PIEZO1: variants seen among roughly 807,000 people sequenced by gnomAD.
PIEZO1 encodes the protein piezo type mechanosensitive ion channel component 1 (Er blood group).
Under a neutral mutation model 297.2 loss-of-function variants are expected in PIEZO1, and 296 were observed. The ratio of observed to expected loss-of-function variants is 1.00; its 90% CI spans 0.91 to 1.10. The LOEUF (loss-of-function observed/expected upper bound fraction) is 1.10. Ranked by LOEUF, PIEZO1 falls within the 50% of genes least tolerant of loss-of-function variation. PIEZO1 has a pLI of 0.00. For missense variants in PIEZO1, 5,018 were observed against 3,455.5 expected (o/e 1.45, Z -11.34); for synonymous variants, 2,427 against 1,507.5 (o/e 1.61, Z -14.13).
In PIEZO1 at chr16:88,755,768, G is replaced by A. The variant is rs573633693; in HGVS notation, c.65-6289C>T. Among the ~76,000 whole-genome samples the A allele has an allele frequency of 3.1e-3, 473 of 152,330 alleles. 2 individuals are homozygous for A. Among genetic ancestry groups the A allele is most frequent in the African/African-American group, 0.011 (447 of 41,568 alleles). On this transcript the variant is annotated intron_variant, in intron 1 of 50. Coordinates refer to ENST00000301015, the MANE Select transcript of PIEZO1 (RefSeq NM_001142864.4). ...CACCATGAGAGGCCGGGGGCCCCCA[G>A]GCCAAGAGCTGCAGAGCGGCCTCAC...
In PIEZO1 at chr16:88,722,320, C is replaced by T. The variant is rs752059066; in HGVS notation, c.4853G>A (p.Arg1618His). The T allele has an allele frequency of 8.8e-5, 136 of 1,545,986 alleles. No homozygotes were observed. The highest frequency in any genetic ancestry group is 7.7e-4 in the South Asian group (64 of 83,646). The change falls in exon 36 of 51, where the codon CGC becomes CAC. Residue 1618 changes from arginine to histidine, a missense_variant. Physicochemically the swap from Arg to His is conservative, Grantham distance 29. Coordinates refer to ENST00000301015, the MANE Select transcript of PIEZO1 (RefSeq NM_001142864.4). ...GGTGACTGCCTCCTCACTGCCACTG[C>T]GCGTGTGGTAGCCGGTGCTCAGGGG... The part of the protein sequence containing the change: ...GSPLSTGYHT[R>H]SGSEEAVTDP...
intron 21 of PIEZO1, 97 bp from the exon 22 acceptor site, chr16:88,732,007 G>T: frequency 5.8e-6 from 1 of 172,256 alleles, no homozygotes; most frequent in Non-Finnish European, 1.1e-5. Context: ...CAGCAGCCCT[G>T]CCTGGAGGCT....
At chr16:88,749,356 G>C (rs1380663442) in intron 2 of PIEZO1, 28 bp downstream of exon 2, 19 of 1,400,244 alleles carry the variant, frequency 1.4e-5, no homozygotes, top group Non-Finnish European at 1.8e-5. Flanking sequence ...CCCACCCTGA[G>C]AGCGTGGGCA....
At position 88,732,477 on chromosome 16, in the gene PIEZO1, T is replaced by C. The variant is rs1453086233; in HGVS notation, c.2849A>G (p.Glu950Gly). The C allele has an allele frequency of 6.5e-7, 1 of 1,549,228 alleles. No homozygotes were observed. The highest frequency in any genetic ancestry group is 8.7e-7 in the Non-Finnish European group (1 of 1,146,228). The stretch of plus-strand genomic sequence containing the variant: ...CAGCTGGTGCTGCCGGCGGTAGTGC[T>C]CCTGGCGCCGGTACACGATGGCCTC... ...VFEAIVYRRQ[E>G]HYRRQHQLAP... The change falls in exon 21 of 51, where the codon GAG (glutamate) becomes GGG (glycine). Residue 950 changes from glutamate to glycine, a missense_variant. By Grantham distance (98) the Glu-to-Gly change is moderately conservative (BLOSUM62 -2). Coordinates refer to ENST00000301015, the MANE Select transcript of PIEZO1 (RefSeq NM_001142864.4).
At position 88,716,691 on chromosome 16, in the gene PIEZO1, A is replaced by G. The variant is rs952510786; in HGVS notation, c.6794T>C (p.Ile2265Thr). Reference sequence around the variant, plus strand: ...GCTGCCCTCAATCTGCGCCGTGACGATGTCCTCAGGGCTGTACTGGCTGAT... The same window carrying G: ...GCTGCCCTCAATCTGCGCCGTGACGGTGTCCTCAGGGCTGTACTGGCTGAT... The part of the protein sequence containing the change: ...QFISQYSPED[I>T]VTAQIEGSSG... The change falls in exon 47 of 51, where the codon ATC (isoleucine) becomes ACC (threonine). Residue 2265 changes from isoleucine to threonine, a missense_variant. Ile to Thr is a moderately conservative substitution (Grantham distance 89). Coordinates refer to ENST00000301015, the MANE Select transcript of PIEZO1 (RefSeq NM_001142864.4). 1.3e-6 allele frequency: 2 copies of G among 1,548,864 alleles called. No homozygotes were observed. The highest frequency in any genetic ancestry group is 2.7e-5 in the African/African-American group (2 of 73,052).
Position 88,716,548 on chromosome 16 carries a change from C to G in PIEZO1, c.6926+11G>C. 1 of 1,539,872 alleles carries G rather than the reference C, an allele frequency of 6.5e-7. No homozygotes were observed. The highest frequency in any genetic ancestry group is 8.8e-7 in the Non-Finnish European group (1 of 1,140,172). On this transcript the variant is annotated intron_variant, in intron 47 of 50. Coordinates refer to ENST00000301015, the MANE Select transcript of PIEZO1 (RefSeq NM_001142864.4). ...CACCCACCCAGGCACTGCCCCAAGT[C>G]CAGGACGAACCTCTGGAAGTTCCAG...
At chr16:88,727,265 C>G in intron 23 of PIEZO1, 73 bp from the exon 24 acceptor site, 1 of 1,432,702 alleles carries the variant, frequency 7.0e-7, no homozygotes, top group Admixed American at 2.5e-5. Context: ...TAAATCCCAC[C>G]TCCCACCCCA....
rs1911937108 is a variant in PIEZO1 at position 88,715,593 on chromosome 16, C to T, written c.*12G>A. 1.9e-6 allele frequency: 3 copies of T among 1,547,366 alleles called. No homozygotes were observed. The highest frequency in any genetic ancestry group is 1.7e-4 in the Middle Eastern group (1 of 5,898). On this transcript the variant is annotated 3_prime_UTR_variant, in exon 51 of 51. Transcript: ENST00000301015. ...GGCCGGCTCCTTCCCTCTCGGGCGC[C>T]AGCAGCAGCTCCTACTCCTTCTCAC...
At chr16:88,766,073 G>C (rs924345106) in intron 1 of PIEZO1, among the ~76,000 whole-genome samples, 1 of 152,230 alleles carries the variant, frequency 6.6e-6, no homozygotes, top group Non-Finnish European at 1.5e-5. Flanking sequence ...GGCAGCGTGG[G>C]TGCCGTGGTC....
chr16:88,722,537 A>G lies in PIEZO1; in HGVS notation c.4775+46T>C. ...GGTCGGGGATGGCTAGGCGATGCCC[A>G]CACACCAGGGGCAGCAGCTGGGGCT... On this transcript the variant is annotated intron_variant, in intron 35 of 50. Transcript: ENST00000301015. 2.1e-6 allele frequency: 3 copies of G among 1,447,024 alleles called. No homozygotes were observed. In the South Asian group the frequency reaches 3.8e-5, roughly 18 times the overall value. 89.6% of individuals were successfully genotyped at this position (1,447,024 alleles called of 1,614,324 possible). A position where few individuals can be genotyped will look rare whatever the true frequency, so the allele number is the denominator to read the frequency against.
At chr16:88,722,132 T>G in intron 36 of PIEZO1, 66 bp from the exon 37 acceptor site, 1 of 1,522,818 alleles carries the variant, frequency 6.6e-7, no homozygotes, top group Non-Finnish European at 8.8e-7. Flanking sequence ...CCCGATCTGT[T>G]GCCGGTCACA....
intron 22 of PIEZO1, among the ~76,000 whole-genome samples, chr16:88,730,746 G>A (rs2142799544): frequency 6.6e-6 from 1 of 152,314 alleles, no homozygotes; most frequent in Middle Eastern, 3.4e-3. Flanking sequence ...ACGGGGAGAT[G>A]ATGTAACAGT....
In PIEZO1 at chr16:88,760,869, G is replaced by A. The variant is rs190723285; in HGVS notation, c.65-11390C>T. ...TTCTGGACCATTTAATTAGCTCGGTGTCCAGGTTTAATTAGCTCAGTGTCC... is the reference window on the plus strand; with the variant it reads ...TTCTGGACCATTTAATTAGCTCGGTATCCAGGTTTAATTAGCTCAGTGTCC... On this transcript the variant is annotated intron_variant, in intron 1 of 50. Transcript: ENST00000301015. 2.0e-5 allele frequency among the ~76,000 whole-genome samples: 3 copies of A among 152,386 alleles called. No individual in the cohort carries two copies. The East Asian group carries it at 5.8e-4, about 29-fold the overall frequency.
intron 1 of PIEZO1, among the ~76,000 whole-genome samples, chr16:88,772,154 G>C (rs72813542): frequency 6.6e-6 from 1 of 152,186 alleles, no homozygotes. Context: ...AGGCCCTCCT[G>C]AGACTCTGGG....
intron 2 of PIEZO1, among the ~76,000 whole-genome samples, chr16:88,748,457 CCCCAAGGTGGTT>C (rs1906182504): frequency 1.6e-5 from 2 of 123,010 alleles, no homozygotes; most frequent in African/African-American, 6.4e-5. Context: ...CCAGCTCAGA[CCCCAAGGTGGTT>C]CCCAAGGGGG....
intron 1 of PIEZO1, among the ~76,000 whole-genome samples, chr16:88,777,066 G>C (rs773376398): frequency 6.6e-6 from 1 of 151,850 alleles, no homozygotes. Context: ...TCCGTCTCCC[G>C]GATTCAAGTG....
chr16:88,760,066 C>G (rs1233838892), intron 1 of PIEZO1, among the ~76,000 whole-genome samples: 1 of 72,832 alleles, frequency 1.4e-5, no homozygotes, highest in Non-Finnish European at 2.7e-5. Flanking sequence ...GACGTGACAC[C>G]TGGTCCACGC....
In PIEZO1 at chr16:88,734,907, A is replaced by G. The variant is rs994303409; in HGVS notation, c.1816T>C (p.Phe606Leu). 4.5e-6 allele frequency: 7 copies of G among 1,550,280 alleles called. No homozygotes were observed. The highest frequency in any genetic ancestry group is 2.0e-5 in the Admixed American group (1 of 50,996). Reference sequence around the variant, plus strand: ...AGGGTGAGGCAGAGCAGGAAGAGGAACATGTAGACAATCTTGTAGACCACG... The same window carrying G: ...AGGGTGAGGCAGAGCAGGAAGAGGAGCATGTAGACAATCTTGTAGACCACG... Reference protein sequence around the residue: ...RLVVYKIVYMFLFLLCLTLFQ... With the variant: ...RLVVYKIVYMLLFLLCLTLFQ... Residue 606 changes from phenylalanine to leucine, a missense_variant, in exon 14 of 51, where the codon TTC becomes CTC. By Grantham distance (22) the Phe-to-Leu change is conservative. Coordinates refer to ENST00000301015, the MANE Select transcript of PIEZO1 (RefSeq NM_001142864.4).
intron 16 of PIEZO1, 45 bp from the exon 17 acceptor site, chr16:88,734,099 CCCT>C (rs1905054217): frequency 1.4e-6 from 2 of 1,470,936 alleles, no homozygotes; most frequent in African/African-American, 1.4e-5. Flanking sequence ...GGGTTCCTGC[CCCT>C]CATTTCCTGG....
Sources: gnomAD v4.1 joint callset for allele counts (sites outside exome capture counted in the v4.1 genomes callset) on GRCh38, gnomAD v4.1.1 for gene constraint, MANE v1.5 for transcripts, NCBI Gene and HGNC (gene_info 2026-07-23, HGNC 2026-07-21) for gene names.